SEC22B: variants seen among roughly 807,000 people sequenced by gnomAD.
The protein encoded by SEC22B is SEC22 homolog B, vesicle trafficking protein, also known as vesicle-trafficking protein SEC22b.
A neutral mutation model predicts 31.4 loss-of-function variants in SEC22B; 10 were observed. The observed-to-expected ratio is 0.32, with a 90% CI of 0.20 to 0.54. SEC22B has a LOEUF of 0.54. SEC22B is among the 20% of genes least tolerant of loss of function. SEC22B has a pLI of 0.94. For missense variants in SEC22B, 130 were observed against 263.4 expected, an observed-to-expected ratio of 0.49 and a Z score of 3.50; for synonymous variants, 60 against 95.9, an observed-to-expected ratio of 0.63 and a Z score of 2.19.
At chr1:120,162,587 T>G (rs2101128451) in intron 3 of SEC22B, among the ~76,000 whole-genome samples, 1 of 151,186 alleles carries the variant, frequency 6.6e-6, no homozygotes, top group South Asian at 2.1e-4. Flanking sequence ...TTAGGACATT[T>G]CCTTTGATCC....
chr1:120,165,761 C>T (rs1358226342), intron 2 of SEC22B, among the ~76,000 whole-genome samples: 1 of 151,800 alleles, frequency 6.6e-6, no homozygotes, highest in Non-Finnish European at 1.5e-5. Context: ...AGTCTTCGCC[C>T]AGGTTCATGT....
In SEC22B at chr1:120,150,912, C is replaced by T. The variant is rs67067843; in HGVS notation, c.*6126G>A. ...GGACCGAGTTTGTGCAAACAAAAAGCGCAAAATAGAAGAGGCAGCATTGTT... is the reference window on the plus strand; with the variant it reads ...GGACCGAGTTTGTGCAAACAAAAAGTGCAAAATAGAAGAGGCAGCATTGTT... On this transcript the variant is annotated 3_prime_UTR_variant, in exon 5 of 5. Transcript: ENST00000578049. 4 of 152,060 alleles carry T rather than the reference C, an allele frequency of 2.6e-5. 1 individual carries two copies. Among genetic ancestry groups the T allele is most frequent in the Non-Finnish European group, 2.9e-5 (2 of 68,022 alleles). The allele number at this position is 152,060 out of a possible 1,614,324, so 9.4% of individuals were successfully genotyped here.
At chr1:120,159,405 G>A (rs1657679727) in intron 4 of SEC22B, 1 of 151,700 alleles carries the variant, frequency 6.6e-6, no homozygotes, top group South Asian at 2.1e-4. Context: ...ACTCCAGCCT[G>A]GGCAACAGAA....
chr1:120,150,992 G>C lies in SEC22B; in HGVS notation c.*6046C>G, dbSNP rs1328495582. On this transcript the variant is annotated 3_prime_UTR_variant, in exon 5 of 5. Transcript: ENST00000578049. ...CCATTCCCAGGAGAACCCAGTCTCA[G>C]TGTCAAGAGAAAGATGTTAATCCAT... 6 of 152,314 alleles carry C rather than the reference G, an allele frequency of 3.9e-5. No homozygotes were observed. In the South Asian group the frequency reaches 8.3e-4, roughly 21 times the overall value. 9.4% of individuals were successfully genotyped at this position (152,314 alleles called of 1,614,324 possible). A position where few individuals can be genotyped will look rare whatever the true frequency, so the allele number is the denominator to read the frequency against.
At chr1:120,169,359 C>CAGA (rs1433530045) in intron 1 of SEC22B, among the ~76,000 whole-genome samples, 52 of 152,070 alleles carry the variant, frequency 3.4e-4, no homozygotes, top group Non-Finnish European at 6.2e-4. Flanking sequence ...GAATATCCAG[C>CAGA]AGAACCTTCC....
chr1:120,160,087 T>C (rs1286202523), intron 4 of SEC22B, among the ~76,000 whole-genome samples: 2 of 147,852 alleles, frequency 1.4e-5, no homozygotes, highest in African/African-American at 5.2e-5. Context: ...TTGAGTTTTC[T>C]CTCATTCATT....
rs1553230224 is a variant in SEC22B, at chr1:120,176,404, A to G, written c.-23T>C. ...CATCTTCACAAACTACAGGGATCCAACACTGGCCCGGAAGGCCCTTGGCGC... is the reference window on the plus strand; with the variant it reads ...CATCTTCACAAACTACAGGGATCCAGCACTGGCCCGGAAGGCCCTTGGCGC... On this transcript the variant is annotated 5_prime_UTR_variant, in exon 1 of 5. Coordinates refer to ENST00000578049, the MANE Select transcript of SEC22B (RefSeq NM_004892.6). The G allele has an allele frequency of 2.8e-5, 45 of 1,611,508 alleles. No individual in the cohort carries two copies. Among genetic ancestry groups the G allele is most frequent in the Non-Finnish European group, 3.8e-5 (45 of 1,178,230 alleles).
Position 120,163,412 on chromosome 1 carries a change from A to G in SEC22B, c.186-42T>C. 3 of 1,317,784 alleles carry G rather than the reference A, an allele frequency of 2.3e-6. 1 individual carries two copies. The South Asian group carries it at 5.1e-5, about 22-fold the overall frequency. The allele number at this position is 1,317,784 out of a possible 1,614,324, so 81.6% of individuals were successfully genotyped here. ...AGCAAGACAAAGTTATCTGTAAAGT[A>G]ATAGCACTGACAACAGTTTAAAGCA... is the stretch of plus-strand genomic sequence containing the variant. On this transcript the variant is annotated intron_variant, in intron 2 of 4. Transcript: ENST00000578049.
rs1488370699 is a variant in SEC22B at position 120,152,351 on chromosome 1, T to C, written c.*4687A>G. ...AAGAATAAATACACTCAGTTGATTC[T>C]GAAGCTCTAATTTACAGATGCAAAA... On this transcript the variant is annotated 3_prime_UTR_variant, in exon 5 of 5. Transcript: ENST00000578049. 1 of 149,934 alleles carries C rather than the reference T, an allele frequency of 6.7e-6. No individual in the cohort carries two copies. Among genetic ancestry groups the C allele is most frequent in the Non-Finnish European group, 1.5e-5 (1 of 67,742 alleles). 9.3% of individuals were successfully genotyped at this position (149,934 alleles called of 1,614,324 possible).
At position 120,163,349 on chromosome 1, in the gene SEC22B, C is replaced by A; in HGVS notation, c.207G>T (p.Val69=). ...MTFHYIIEQG[V]CYLVLCEAAF... The stretch of plus-strand genomic sequence containing the variant: ...CAGCTTCACATAAAACCAAATAACA[C>A]ACCCCCTGCTCAATAATGTAGCTGG... Residue 69 remains valine (V), a synonymous_variant, in exon 3 of 5, where the codon GTG becomes GTT. Coordinates refer to ENST00000578049, the MANE Select transcript of SEC22B (RefSeq NM_004892.6). 7 of 1,604,160 alleles carry A rather than the reference C, an allele frequency of 4.4e-6. No individual in the cohort carries two copies. Among genetic ancestry groups the A allele is most frequent in the Middle Eastern group, 1.7e-4 (1 of 6,022 alleles).
intron 3 of SEC22B, among the ~76,000 whole-genome samples, chr1:120,161,271 C>G (rs1444823554): frequency 1.3e-5 from 2 of 152,208 alleles, no homozygotes; most frequent in African/African-American, 2.4e-5. Context: ...CAAAAGGGTT[C>G]ATGATCATTA....
At chr1:120,171,472 G>A (rs1407970712) in intron 1 of SEC22B, among the ~76,000 whole-genome samples, 1 of 105,808 alleles carries the variant, frequency 9.5e-6, no homozygotes, top group Non-Finnish European at 1.7e-5. Flanking sequence ...TATTTATAGG[G>A]ATTATGGTAT....
intron 1 of SEC22B, among the ~76,000 whole-genome samples, chr1:120,170,064 G>C (rs1196548038): frequency 6.8e-6 from 1 of 146,206 alleles, no homozygotes; most frequent in Non-Finnish European, 1.5e-5. Context: ...TATGAACCAG[G>C]AATAGGCCCT....
rs1321292441 is a variant in SEC22B at position 120,152,073 on chromosome 1, T to A, written c.*4965A>T. The A allele has an allele frequency of 6.6e-6, 1 of 152,196 alleles. No homozygotes were observed. The highest frequency in any genetic ancestry group is 1.5e-5 in the Non-Finnish European group (1 of 68,054). 9.4% of individuals were successfully genotyped at this position (152,196 alleles called of 1,614,324 possible). A position where few individuals can be genotyped will look rare whatever the true frequency, so the allele number is the denominator to read the frequency against. ...AACAGATATATATGAAGCAAAAAAC[T>A]TGGGCCCAAAAAACAAGTTTGAAGG... On this transcript the variant is annotated 3_prime_UTR_variant, in exon 5 of 5. Transcript: ENST00000578049.
chr1:120,152,054 T>C lies in SEC22B; in HGVS notation c.*4984A>G, dbSNP rs1657551754. On this transcript the variant is annotated 3_prime_UTR_variant, in exon 5 of 5. Transcript: ENST00000578049. Reference sequence around the variant, plus strand: ...TTATTTATGGGATATTCAAAACAGATATATATGAAGCAAAAAACTTGGGCC... The same window carrying C: ...TTATTTATGGGATATTCAAAACAGACATATATGAAGCAAAAAACTTGGGCC... 6.6e-6 allele frequency: 1 copy of C among 152,242 alleles called. No individual in the cohort carries two copies. Among genetic ancestry groups the C allele is most frequent in the Non-Finnish European group, 1.5e-5 (1 of 68,070 alleles). The allele number at this position is 152,242 out of a possible 1,614,324, so 9.4% of individuals were successfully genotyped here.
chr1:120,168,255 TG>T (rs1402287451), intron 2 of SEC22B, among the ~76,000 whole-genome samples: 2 of 151,834 alleles, frequency 1.3e-5, no homozygotes, highest in Non-Finnish European at 2.9e-5. Context: ...ACCAATTATT[TG>T]TAGATAATTT....
At position 120,176,291 on chromosome 1, in the gene SEC22B, T is replaced by C; in HGVS notation, c.75+16A>G. 6.2e-7 allele frequency: 1 copy of C among 1,607,030 alleles called. No individual in the cohort carries two copies. Among genetic ancestry groups the C allele is most frequent in the South Asian group, 1.1e-5 (1 of 90,644 alleles). ...GACAGAGACTTGGGGTCGCGGGTCG[T>C]GAGTAAGCAGCTCACCTGTTCGTCC... On this transcript the variant is annotated intron_variant, in intron 1 of 4. Transcript: ENST00000578049.
intron 4 of SEC22B, among the ~76,000 whole-genome samples, chr1:120,159,828 CTAG>C (rs1201317918): frequency 1.3e-5 from 2 of 151,966 alleles, no homozygotes; most frequent in Non-Finnish European, 2.9e-5. Context: ...TGTTTGTGAA[CTAG>C]AGAATGACAG....
At chr1:120,170,656 G>T (rs1374385801) in intron 1 of SEC22B, among the ~76,000 whole-genome samples, 1 of 148,522 alleles carries the variant, frequency 6.7e-6, no homozygotes, top group African/African-American at 2.5e-5. Context: ...ATATATTTGA[G>T]AAATAGTTCT....
Sources: gnomAD v4.1 joint callset for allele counts (sites outside exome capture counted in the v4.1 genomes callset) on GRCh38, gnomAD v4.1.1 for gene constraint, MANE v1.5 for transcripts, NCBI Gene and HGNC (gene_info 2026-07-23, HGNC 2026-07-21) for gene names.